RNF13: variants seen among roughly 807,000 people sequenced by gnomAD.
RNF13 encodes the protein ring finger protein 13.
A neutral mutation model predicts 37.7 loss-of-function variants in RNF13; 19 were observed. That is an observed-to-expected ratio of 0.50 (90% CI 0.35 to 0.74). The LOEUF is 0.74. Ranked by LOEUF, RNF13 falls within the 30% of genes least tolerant of loss-of-function variation. RNF13 has a pLI of 0.01. For synonymous variants in RNF13, 144 were observed against 157.8 expected (o/e 0.91, Z 0.65); for missense variants, 375 against 453.0 (o/e 0.83, Z 1.56).
intron 2 of RNF13, among the ~76,000 whole-genome samples, chr3:149,847,231 C>T (rs989873538): frequency 1.1e-4 from 16 of 151,978 alleles, no homozygotes; most frequent in African/African-American, 3.9e-4. Context: ...CAGATGTAGC[C>T]CCATTGTAAG....
chr3:149,908,339 A>C (rs1204436663), intron 6 of RNF13, among the ~76,000 whole-genome samples: 5 of 152,176 alleles, frequency 3.3e-5, no homozygotes, highest in African/African-American at 1.2e-4. Context: ...TCTCTTGAAA[A>C]TGAAGAGTTA....
intron 8 of RNF13, among the ~76,000 whole-genome samples, chr3:149,942,770 T>C (rs1023627441): frequency 2.6e-5 from 4 of 152,224 alleles, no homozygotes; most frequent in African/African-American, 7.2e-5. Flanking sequence ...CATCCTTGCC[T>C]TATTCCTGCT....
At chr3:149,817,919 C>G (rs537674315) in intron 1 of RNF13, among the ~76,000 whole-genome samples, 1 of 152,222 alleles carries the variant, frequency 6.6e-6, no homozygotes, top group East Asian at 1.9e-4. Context: ...TGAAAAAGGG[C>G]TCAGGACTAA....
chr3:149,926,216 T>C, intron 8 of RNF13, among the ~76,000 whole-genome samples: 1 of 152,176 alleles, frequency 6.6e-6, no homozygotes. Context: ...TGTTTTGTCT[T>C]GATTTGTTTT....
intron 1 of RNF13, 114 bp from the exon 2 acceptor site, chr3:149,845,897 A>G: frequency 1.7e-6 from 1 of 574,910 alleles, no homozygotes. Flanking sequence ...TTTAATGTTA[A>G]TACATGTTTA....
chr3:149,837,657 A>T (rs1721760042), intron 1 of RNF13, among the ~76,000 whole-genome samples: 1 of 152,106 alleles, frequency 6.6e-6, no homozygotes, highest in African/African-American at 2.4e-5. Context: ...CGAGAATAAC[A>T]TGGGGAAGAC....
chr3:149,868,132 C>G (rs1711560730), intron 3 of RNF13, among the ~76,000 whole-genome samples: 2 of 151,734 alleles, frequency 1.3e-5, no homozygotes, highest in Non-Finnish European at 2.9e-5. Context: ...TTACCTATCT[C>G]TTACTATGTT....
intron 8 of RNF13, among the ~76,000 whole-genome samples, chr3:149,932,505 CT>C (rs1245761417): frequency 6.6e-6 from 1 of 152,210 alleles, no homozygotes; most frequent in Non-Finnish European, 1.5e-5. Context: ...AAATTCTTAA[CT>C]TCCAAGATAC....
intron 4 of RNF13, among the ~76,000 whole-genome samples, chr3:149,875,861 A>C (rs1170697855): frequency 3.5e-5 from 1 of 28,562 alleles, no homozygotes; most frequent in East Asian, 1.3e-3. Context: ...AAACAGTGCT[A>C]TTTTGTCTTT....
At chr3:149,918,977 A>G (rs1039522969) in intron 7 of RNF13, among the ~76,000 whole-genome samples, 4 of 152,172 alleles carry the variant, frequency 2.6e-5, no homozygotes, top group South Asian at 2.1e-4. Flanking sequence ...CATTTAACAT[A>G]TATTGTGATC....
At chr3:149,907,773 G>A (rs987312397) in intron 6 of RNF13, among the ~76,000 whole-genome samples, 1 of 152,202 alleles carries the variant, frequency 6.6e-6, no homozygotes, top group African/African-American at 2.4e-5. Context: ...AAATGTTAAT[G>A]CTTACCTTCC....
intron 1 of RNF13, among the ~76,000 whole-genome samples, chr3:149,828,752 G>C (rs1720741491): frequency 6.6e-6 from 1 of 151,652 alleles, no homozygotes; most frequent in Non-Finnish European, 1.5e-5. Context: ...ATAATGACTT[G>C]GTACGCCACT....
At chr3:149,865,329 G>GAGATATAT (rs1553757164) in intron 3 of RNF13, among the ~76,000 whole-genome samples, 1 of 139,126 alleles carries the variant, frequency 7.2e-6, no homozygotes, top group Non-Finnish European at 1.6e-5. Flanking sequence ...ATGTTTTGGT[G>GAGATATAT]ATATATATAT....
intron 3 of RNF13, among the ~76,000 whole-genome samples, chr3:149,856,827 A>G (rs549188944): frequency 6.6e-6 from 1 of 152,300 alleles, no homozygotes; most frequent in Non-Finnish European, 1.5e-5. Flanking sequence ...GCTCACTGCA[A>G]GCTCCGGCCT....
Position 149,912,132 on chromosome 3 carries a change from C to T in RNF13, c.606+49C>T, listed in dbSNP as rs201902305. Reference sequence around the variant, plus strand: ...TTTTTAAAAAATAGTATGGATGAATCTAAAAACATTGTATTGAGTGAGAGA... The same window carrying T: ...TTTTTAAAAAATAGTATGGATGAATTTAAAAACATTGTATTGAGTGAGAGA... On this transcript the variant is annotated intron_variant, in intron 7 of 9. Coordinates refer to ENST00000392894, the MANE Select transcript of RNF13 (RefSeq NM_183381.3). 5.7e-6 allele frequency: 5 copies of T among 871,410 alleles called. No homozygotes were observed. In the Admixed American group the frequency reaches 7.7e-5, roughly 13 times the overall value. The allele number at this position is 871,410 out of a possible 1,614,324, so 54.0% of individuals were successfully genotyped here.
chr3:149,847,110 A>T (rs1559903797), intron 2 of RNF13, among the ~76,000 whole-genome samples: 1 of 152,234 alleles, frequency 6.6e-6, no homozygotes. Flanking sequence ...ACCTCAACTT[A>T]TGATGAGATT....
intron 7 of RNF13, among the ~76,000 whole-genome samples, chr3:149,914,986 C>G (rs998631835): frequency 1.3e-5 from 2 of 151,528 alleles, no homozygotes; most frequent in African/African-American, 4.8e-5. Flanking sequence ...ATTGTTGTAC[C>G]TCCTTTAACA....
intron 3 of RNF13, 127 bp from the exon 4 acceptor site, chr3:149,871,902 T>C: frequency 1.6e-6 from 1 of 625,978 alleles, no homozygotes; most frequent in South Asian, 4.9e-5. Context: ...TGTGAGCAAT[T>C]TTACATGCCC....
intron 8 of RNF13, among the ~76,000 whole-genome samples, chr3:149,951,550 CTG>C (rs1056161463): frequency 4.6e-5 from 7 of 152,162 alleles, no homozygotes; most frequent in African/African-American, 1.7e-4. Context: ...TTGCCTGTAG[CTG>C]TATTTGCTTA....
Sources: gnomAD v4.1 joint callset for allele counts (sites outside exome capture counted in the v4.1 genomes callset) on GRCh38, gnomAD v4.1.1 for gene constraint, MANE v1.5 for transcripts, NCBI Gene and HGNC (gene_info 2026-07-23, HGNC 2026-07-21) for gene names.